Variants in SAE1 observed in about 807,000 individuals in gnomAD.
SAE1 encodes the protein SUMO-activating enzyme subunit 1.
A neutral mutation model predicts 40.6 loss-of-function variants in SAE1; 11 were observed. The ratio of observed to expected loss-of-function variants is 0.27; its 90% confidence interval spans 0.17 to 0.45. SAE1 has a LOEUF of 0.45. Ranked by LOEUF, SAE1 falls within the 20% of genes least tolerant of loss-of-function variation. The probability of loss-of-function intolerance (pLI) is 1.00; values close to 1 mark genes in which losing one functional copy is unlikely to be tolerated. For missense variants in SAE1, 373 were observed against 427.3 expected (o/e 0.87, Z 1.12); for synonymous variants, 155 against 154.3 (o/e 1.00, Z -0.03).
Position 47,130,883 on chromosome 19 carries a change from G to T in SAE1, c.-48G>T. 6.5e-7 allele frequency: 1 copy of T among 1,546,236 alleles called. No individual in the cohort carries two copies. The highest frequency in any genetic ancestry group is 1.2e-5 in the South Asian group (1 of 83,870). On this transcript the variant is annotated 5_prime_UTR_variant, in exon 1 of 9. Transcript: ENST00000270225. ...GGTAGGTGGCGCGCGGGTCCGGCGG[G>T]CGGTTGGCTTGAGCGGGACCGGAGC...
chr19:47,136,846 T>C (rs2058183564), intron 1 of SAE1, among the ~76,000 whole-genome samples: 1 of 152,200 alleles, frequency 6.6e-6, no homozygotes, highest in East Asian at 1.9e-4. Context: ...TTTCCTTCTC[T>C]GTTCAGATGA....
At position 47,209,488 on chromosome 19, in the gene SAE1, T is replaced by C; in HGVS notation, c.*237T>C. ...CCAGCACTGTTCAGGCTGCCTGTCA[T>C]CCCGGGCCTGCCAGCTCCCCTGAGT... On this transcript the variant is annotated 3_prime_UTR_variant, in exon 9 of 9. Transcript: ENST00000270225. 1.6e-6 allele frequency: 1 copy of C among 635,556 alleles called. No homozygotes were observed. Among genetic ancestry groups the C allele is most frequent in the Non-Finnish European group, 2.7e-6 (1 of 374,718 alleles). 39.4% of individuals were successfully genotyped at this position (635,556 alleles called of 1,614,324 possible).
chr19:47,175,234 G>T (rs1040257798), intron 6 of SAE1, among the ~76,000 whole-genome samples: 1 of 143,584 alleles, frequency 7.0e-6, no homozygotes, highest in Non-Finnish European at 1.5e-5. Flanking sequence ...CACTACTCTT[G>T]TTTCCATGTT....
intron 7 of SAE1, among the ~76,000 whole-genome samples, chr19:47,202,192 G>A (rs1410072865): frequency 6.6e-6 from 1 of 152,134 alleles, no homozygotes; most frequent in Non-Finnish European, 1.5e-5. Flanking sequence ...TTGTCAAGAT[G>A]TATGATTACA....
chr19:47,176,944 A>C (rs1050362295), intron 6 of SAE1, among the ~76,000 whole-genome samples: 1 of 152,232 alleles, frequency 6.6e-6, no homozygotes, highest in African/African-American at 2.4e-5. Context: ...TGAGTTTATC[A>C]TAACAGGAGT....
intron 1 of SAE1, 119 bp from the exon 2 acceptor site, chr19:47,143,375 G>A (rs2058234144): frequency 1.4e-6 from 1 of 717,992 alleles, no homozygotes; most frequent in African/African-American, 1.7e-5. Context: ...AAAGTGCTGG[G>A]ATTACAGGCA....
intron 8 of SAE1, among the ~76,000 whole-genome samples, chr19:47,204,441 G>C (rs1382179754): frequency 6.8e-6 from 1 of 147,578 alleles, no homozygotes; most frequent in African/African-American, 2.5e-5. Context: ...ATCGTGATCT[G>C]CCCACCTCAG....
intron 6 of SAE1, among the ~76,000 whole-genome samples, chr19:47,174,304 T>C (rs532002373): frequency 2.8e-4 from 43 of 151,450 alleles, no homozygotes; most frequent in African/African-American, 1.0e-3. Flanking sequence ...TTTTTCTTTT[T>C]TTTTTTTTTT....
At chr19:47,153,089 AC>A in intron 4 of SAE1, 49 bp downstream of exon 4, 1 of 1,475,852 alleles carries the variant, frequency 6.8e-7, no homozygotes, top group Non-Finnish European at 9.1e-7. Context: ...TCCTTTTTAT[AC>A]TTTTTTTTTT....
At chr19:47,165,578 C>G (rs944965917) in intron 5 of SAE1, among the ~76,000 whole-genome samples, 17 of 152,202 alleles carry the variant, frequency 1.1e-4, no homozygotes, top group African/African-American at 3.9e-4. Flanking sequence ...ATGCCACTCC[C>G]TGGCAGACAC....
intron 5 of SAE1, among the ~76,000 whole-genome samples, chr19:47,167,005 G>A (rs2058397585): frequency 6.6e-6 from 1 of 151,938 alleles, no homozygotes; most frequent in South Asian, 2.1e-4. Context: ...AGGCTGGAGT[G>A]TAGTGGTGTG....
At position 47,131,017 on chromosome 19, in the gene SAE1, G is replaced by A. The variant is rs535230794; in HGVS notation, c.87G>A (p.Glu29=). Residue 29 remains glutamate (E), a synonymous_variant, in exon 1 of 9, where the codon GAG becomes GAA. Coordinates refer to ENST00000270225, the MANE Select transcript of SAE1 (RefSeq NM_005500.3). ...GGCAGATCCGCCTGTGGGGACTGGAGGCCCAGAAACGGTCAGGGCCGGCGC... is the reference window on the plus strand; with the variant it reads ...GGCAGATCCGCCTGTGGGGACTGGAAGCCCAGAAACGGTCAGGGCCGGCGC... The part of the protein sequence containing the change: ...YDRQIRLWGL[E]AQKRLRASRV... 1.2e-5 allele frequency: 19 copies of A among 1,542,732 alleles called. 1 individual carries two copies. The highest frequency in any genetic ancestry group is 8.2e-5 in the Admixed American group (4 of 48,910).
intron 7 of SAE1, among the ~76,000 whole-genome samples, chr19:47,197,940 A>G (rs1431900988): frequency 6.6e-6 from 1 of 152,188 alleles, no homozygotes; most frequent in Non-Finnish European, 1.5e-5. Flanking sequence ...CCTTGCCTCC[A>G]TTGGTATCCT....
At chr19:47,194,348 T>G (rs964827096) in intron 6 of SAE1, among the ~76,000 whole-genome samples, 2 of 152,232 alleles carry the variant, frequency 1.3e-5, no homozygotes, top group South Asian at 2.1e-4. Flanking sequence ...CAAATACTTG[T>G]ATTTTTTAAA....
At chr19:47,151,524 T>C (rs1434475748) in intron 3 of SAE1, among the ~76,000 whole-genome samples, 1 of 152,040 alleles carries the variant, frequency 6.6e-6, no homozygotes, top group Non-Finnish European at 1.5e-5. Context: ...CAGGCTGGAG[T>C]GCAGTGGCAT....
At chr19:47,169,709 G>T (rs2123251932) in intron 5 of SAE1, 109 bp from the exon 6 acceptor site, 1 of 763,218 alleles carries the variant, frequency 1.3e-6, no homozygotes, top group South Asian at 1.5e-5. Flanking sequence ...TCTTTTAATG[G>T]TCAGTAAACT....
At chr19:47,148,593 C>T (rs944140940) in intron 2 of SAE1, among the ~76,000 whole-genome samples, 11 of 151,394 alleles carry the variant, frequency 7.3e-5, no homozygotes, top group African/African-American at 2.2e-4. Context: ...CCAGTCCCCA[C>T]TCATCTCTCC....
At position 47,130,860 on chromosome 19, in the gene SAE1, T is replaced by C. The variant is rs2058135863; in HGVS notation, c.-71T>C. 5.2e-6 allele frequency: 8 copies of C among 1,541,894 alleles called. No homozygotes were observed. Among genetic ancestry groups the C allele is most frequent in the Non-Finnish European group, 7.0e-6 (8 of 1,143,578 alleles). On this transcript the variant is annotated 5_prime_UTR_variant, in exon 1 of 9. Transcript: ENST00000270225. ...ACTCCGGGCGTGCTGCCGGCGGCGGTAGGTGGCGCGCGGGTCCGGCGGGCG... is the reference window on the plus strand; with the variant it reads ...ACTCCGGGCGTGCTGCCGGCGGCGGCAGGTGGCGCGCGGGTCCGGCGGGCG...
chr19:47,171,145 T>C (rs2123255346), intron 6 of SAE1, among the ~76,000 whole-genome samples: 1 of 148,116 alleles, frequency 6.8e-6, no homozygotes, highest in East Asian at 2.0e-4. Flanking sequence ...CAGCTAATTT[T>C]TATATTTTTA....
Sources: allele counts gnomAD v4.1 joint callset (sites outside exome capture counted in the v4.1 genomes callset), GRCh38; gene constraint gnomAD v4.1.1; transcripts MANE v1.5; gene names NCBI Gene and HGNC (gene_info 2026-07-23, HGNC 2026-07-21).